NOX5: variants seen among roughly 807,000 people sequenced by gnomAD.
The protein encoded by NOX5 is NADPH oxidase, EF-hand calcium binding domain 5.
In NOX5, 76 loss-of-function variants were observed where a neutral mutation model predicts 85.7. The observed-to-expected ratio is 0.89, with a 90% CI of 0.74 to 1.07. NOX5 has a LOEUF of 1.07. Among genes scored for constraint, NOX5 ranks in the 50% least tolerant of loss-of-function variants. NOX5 has a pLI of 0.00. For missense variants in NOX5, 973 were observed against 999.5 expected (o/e 0.97, Z 0.36); for synonymous variants, 405 against 401.4 (o/e 1.01, Z -0.11).
At chr15:69,017,601 T>C (rs934434080) in intron 1 of NOX5, among the ~76,000 whole-genome samples, 1 of 152,200 alleles carries the variant, frequency 6.6e-6, no homozygotes, top group African/African-American at 2.4e-5. Context: ...CATGTATTGA[T>C]TGATGTTTTA....
intron 2 of NOX5, among the ~76,000 whole-genome samples, chr15:69,027,939 G>T (rs964335752): frequency 2.6e-5 from 4 of 152,136 alleles, no homozygotes; most frequent in Non-Finnish European, 5.9e-5. Flanking sequence ...GGGGGTGATT[G>T]TATGTAGGGG....
chr15:69,057,216 G>A lies in NOX5; in HGVS notation c.*520G>A, dbSNP rs1254896192. The A allele has an allele frequency of 6.6e-6, 1 of 152,448 alleles. No individual in the cohort carries two copies. The highest frequency in any genetic ancestry group is 2.4e-5 in the African/African-American group (1 of 41,424). 9.4% of individuals were successfully genotyped at this position (152,448 alleles called of 1,614,324 possible). On this transcript the variant is annotated 3_prime_UTR_variant, in exon 16 of 16. Transcript: ENST00000388866. ...TCTGTTTATCACATATTATCCATCA[G>A]TTCCTCCTCCCTCTTTCCATCTGTC...
At chr15:69,047,379 C>T in intron 11 of NOX5, 34 bp from the exon 12 acceptor site, 1 of 1,533,650 alleles carries the variant, frequency 6.5e-7, no homozygotes, top group Non-Finnish European at 8.8e-7. Context: ...GCGTCACCCC[C>T]CATCTCTCTT....
At chr15:69,037,315 A>T in intron 8 of NOX5, 105 bp downstream of exon 8, 1 of 1,145,326 alleles carries the variant, frequency 8.7e-7, no homozygotes, top group Non-Finnish European at 1.2e-6. Flanking sequence ...GAAATAGAGA[A>T]TAGTGTAGCT....
intron 11 of NOX5, 140 bp downstream of exon 11, chr15:69,047,006 C>T (rs865916743): frequency 3.3e-5 from 27 of 827,000 alleles, no homozygotes; most frequent in East Asian, 2.3e-4. Flanking sequence ...TCCAGGTATC[C>T]GGGTCATGTA....
intron 2 of NOX5, among the ~76,000 whole-genome samples, chr15:69,027,181 G>A (rs559209238): frequency 5.8e-4 from 89 of 152,238 alleles, no homozygotes; most frequent in African/African-American, 2.0e-3. Context: ...GGGACTAGCC[G>A]ATGAGCATCT....
chr15:69,049,940 T>C (rs1288621693), intron 14 of NOX5, among the ~76,000 whole-genome samples: 1 of 152,264 alleles, frequency 6.6e-6, no homozygotes, highest in Non-Finnish European at 1.5e-5. Flanking sequence ...GGAGCATTTC[T>C]TTCCATTCCT....
At chr15:69,015,155 A>C (rs1183205980) in intron 1 of NOX5, among the ~76,000 whole-genome samples, 2 of 152,102 alleles carry the variant, frequency 1.3e-5, no homozygotes, top group Non-Finnish European at 2.9e-5. Context: ...TGGACCTAAA[A>C]TCCTGGTCTC....
intron 10 of NOX5, among the ~76,000 whole-genome samples, chr15:69,046,524 T>C (rs1429173259): frequency 6.6e-6 from 1 of 152,108 alleles, no homozygotes; most frequent in Non-Finnish European, 1.5e-5. Context: ...TTTCAGGAAT[T>C]TCATGAGCTG....
At chr15:69,049,587 C>T (rs1270988540) in intron 14 of NOX5, among the ~76,000 whole-genome samples, 1 of 152,066 alleles carries the variant, frequency 6.6e-6, no homozygotes, top group African/African-American at 2.4e-5. Flanking sequence ...GATTCCCTTC[C>T]AATTTTTGTT....
At chr15:69,045,551 T>TCTTTCTTTCTTTCTTTCTTTCTTTC in intron 10 of NOX5, among the ~76,000 whole-genome samples, 2 of 135,580 alleles carry the variant, frequency 1.5e-5, no homozygotes, top group Non-Finnish European at 3.1e-5. Flanking sequence ...TTTCTTTCTT[T>TCTTTCTTTCTTTCTTTCTTTCTTTC]CTTTCTTTCT....
chr15:69,021,520 G>A (rs141233967), intron 1 of NOX5, among the ~76,000 whole-genome samples: 72 of 152,280 alleles, frequency 4.7e-4, no homozygotes, highest in African/African-American at 1.7e-3. Context: ...GTTTCACCAT[G>A]TTGGCCAGGA....
chr15:69,051,600 C>A (rs2050750332), intron 14 of NOX5, among the ~76,000 whole-genome samples: 1 of 152,058 alleles, frequency 6.6e-6, no homozygotes, highest in Non-Finnish European at 1.5e-5. Flanking sequence ...GTCTTGAACT[C>A]CTGAGCTCAA....
intron 1 of NOX5, among the ~76,000 whole-genome samples, chr15:69,015,232 G>A (rs943816052): frequency 4.6e-5 from 7 of 152,028 alleles, no homozygotes; most frequent in African/African-American, 1.4e-4. Flanking sequence ...GAAGATTCCC[G>A]CTCCTTCCTG....
At chr15:69,015,793 C>T (rs2050224768) in intron 1 of NOX5, among the ~76,000 whole-genome samples, 1 of 151,804 alleles carries the variant, frequency 6.6e-6, no homozygotes, top group Admixed American at 6.6e-5. Flanking sequence ...GTGTGAATGT[C>T]TTTGGGGGGG....
intron 10 of NOX5, among the ~76,000 whole-genome samples, chr15:69,045,515 CTT>C (rs1299316152): frequency 8.0e-6 from 1 of 125,134 alleles, no homozygotes; most frequent in African/African-American, 2.8e-5. Flanking sequence ...TCCCTTCTTT[CTT>C]TCTTTCTCTT....
intron 7 of NOX5, 144 bp from the exon 8 acceptor site, chr15:69,036,884 C>A: frequency 1.5e-6 from 1 of 680,952 alleles, no homozygotes; most frequent in Non-Finnish European, 2.6e-6. Flanking sequence ...CTTCCCAGCC[C>A]CAACATCTTA....
chr15:69,017,928 G>T (rs1022812711), intron 1 of NOX5, among the ~76,000 whole-genome samples: 2 of 152,062 alleles, frequency 1.3e-5, no homozygotes, highest in Admixed American at 6.6e-5. Flanking sequence ...GAAAACCATG[G>T]AAGTGCTGTC....
intron 13 of NOX5, 75 bp from the exon 14 acceptor site, chr15:69,048,884 C>A: frequency 9.2e-7 from 1 of 1,087,100 alleles, no homozygotes. Flanking sequence ...TCATATGGGT[C>A]CCAGGGATTA....
Sources: allele counts gnomAD v4.1 joint callset (sites outside exome capture counted in the v4.1 genomes callset), GRCh38; gene constraint gnomAD v4.1.1; transcripts MANE v1.5; gene names NCBI Gene and HGNC (gene_info 2026-07-23, HGNC 2026-07-21).